The following TMEM132C variants were observed in gnomAD, a reference collection of about 807,000 sequenced individuals.
TMEM132C encodes protein phosphatase 1, regulatory subunit 152.
TMEM132C carries 29 observed loss-of-function variants against 61.4 expected under a neutral mutation model. That is an observed-to-expected ratio of 0.47 (90% CI 0.35 to 0.64). The LOEUF (loss-of-function observed/expected upper bound fraction) is 0.64, where lower values mean the gene tolerates loss of function less well. Ranked by LOEUF, TMEM132C falls within the 30% of genes least tolerant of loss-of-function variation. The pLI is 0.00. For missense variants in TMEM132C, 1,408 were observed against 1,476.9 expected (o/e 0.95, Z 0.76); for synonymous variants, 656 against 633.1 (o/e 1.04, Z -0.54).
chr12:128,604,630 G>T (rs1052637214), intron 3 of TMEM132C, among the ~76,000 whole-genome samples: 1 of 152,008 alleles, frequency 6.6e-6, no homozygotes. Flanking sequence ...ATGGATGGAA[G>T]ATAGATAATA....
intron 4 of TMEM132C, among the ~76,000 whole-genome samples, chr12:128,628,122 C>T (rs1246504068): frequency 2.6e-5 from 4 of 152,196 alleles, no homozygotes; most frequent in Non-Finnish European, 5.9e-5. Flanking sequence ...CTTCCAGTCT[C>T]AGCCTAGCCC....
chr12:128,563,604 C>T (rs1043988006), intron 3 of TMEM132C, among the ~76,000 whole-genome samples: 17 of 152,142 alleles, frequency 1.1e-4, no homozygotes, highest in African/African-American at 2.4e-4. Flanking sequence ...CTGTGCCATG[C>T]GCTCTCGGGC....
At chr12:128,360,092 G>A (rs979109183) in intron 1 of TMEM132C, among the ~76,000 whole-genome samples, 1 of 152,158 alleles carries the variant, frequency 6.6e-6, no homozygotes, top group Non-Finnish European at 1.5e-5. Context: ...GATCTATGCT[G>A]ATGATTTGCC....
At chr12:128,444,013 T>A (rs1390877382) in intron 2 of TMEM132C, among the ~76,000 whole-genome samples, 4 of 152,198 alleles carry the variant, frequency 2.6e-5, no homozygotes, top group African/African-American at 9.6e-5. Context: ...AGCCTCAAAC[T>A]CCTGGACTCA....
intron 3 of TMEM132C, among the ~76,000 whole-genome samples, chr12:128,605,468 C>A (rs1163901457): frequency 6.6e-6 from 1 of 152,198 alleles, no homozygotes; most frequent in South Asian, 2.1e-4. Context: ...GTGTTAATTT[C>A]TCCCAGAAAC....
At chr12:128,603,138 G>A (rs1342979579) in intron 3 of TMEM132C, among the ~76,000 whole-genome samples, 1 of 152,022 alleles carries the variant, frequency 6.6e-6, no homozygotes, top group South Asian at 2.1e-4. Context: ...TGGCTTCAGA[G>A]CAGTGCACGG....
rs181162946 is a variant in TMEM132C at position 128,464,607 on chromosome 12, A to T, written c.974+48987A>T. Among the ~76,000 whole-genome samples the T allele has an allele frequency of 5.5e-3, 830 of 152,254 alleles. 7 individuals are homozygous for T. Among genetic ancestry groups the T allele is most frequent in the African/African-American group, 0.018 (752 of 41,540 alleles). ...CATCTCTATAAAAAATGAATAAATA[A>T]GTAAATAATTAGCTAGACATGGTAG... is the stretch of plus-strand genomic sequence containing the variant. On this transcript the variant is annotated intron_variant, in intron 2 of 8. Coordinates refer to ENST00000435159, the MANE Select transcript of TMEM132C (RefSeq NM_001136103.3).
At chr12:128,485,035 A>G (rs1281292095) in intron 2 of TMEM132C, among the ~76,000 whole-genome samples, 2 of 152,176 alleles carry the variant, frequency 1.3e-5, no homozygotes, top group African/African-American at 4.8e-5. Flanking sequence ...TTTTCTTAGC[A>G]GCTAGAGGTG....
intron 1 of TMEM132C, among the ~76,000 whole-genome samples, chr12:128,323,182 G>C (rs1219716035): frequency 6.6e-6 from 1 of 152,198 alleles, no homozygotes; most frequent in Admixed American, 6.5e-5. Context: ...GCCAACTCCA[G>C]GAGAAATATT....
intron 3 of TMEM132C, among the ~76,000 whole-genome samples, chr12:128,595,375 G>C (rs1012077355): frequency 1.3e-5 from 2 of 152,216 alleles, no homozygotes; most frequent in Admixed American, 1.3e-4. Context: ...GCTTCCCAAA[G>C]TGTTGGTGCC....
intron 2 of TMEM132C, among the ~76,000 whole-genome samples, chr12:128,506,911 G>C (rs1872382661): frequency 1.3e-5 from 2 of 152,106 alleles, no homozygotes; most frequent in Non-Finnish European, 2.9e-5. Flanking sequence ...CTGAAACTTT[G>C]CTGTAGCTGA....
intron 1 of TMEM132C, among the ~76,000 whole-genome samples, chr12:128,412,350 A>G (rs1463022788): frequency 6.6e-6 from 1 of 152,206 alleles, no homozygotes; most frequent in East Asian, 1.9e-4. Context: ...ATCCCTGTTA[A>G]TAACCAACCT....
chr12:128,412,458 A>T (rs1868593053), intron 1 of TMEM132C, among the ~76,000 whole-genome samples: 1 of 151,996 alleles, frequency 6.6e-6, no homozygotes, highest in South Asian at 2.1e-4. Flanking sequence ...CCCCACTCAA[A>T]TCTCACCTTG....
intron 3 of TMEM132C, among the ~76,000 whole-genome samples, chr12:128,572,637 T>C (rs912294176): frequency 6.6e-5 from 10 of 151,856 alleles, no homozygotes; most frequent in African/African-American, 2.4e-4. Context: ...TGGCCTCTGC[T>C]GATTGACCAG....
intron 2 of TMEM132C, among the ~76,000 whole-genome samples, chr12:128,516,436 A>G (rs2136123410): frequency 6.6e-6 from 1 of 152,298 alleles, no homozygotes; most frequent in East Asian, 1.9e-4. Context: ...ATGGTGGAAG[A>G]ACATCAGGAC....
chr12:128,512,748 C>G (rs1218940702), intron 2 of TMEM132C, among the ~76,000 whole-genome samples: 3 of 152,234 alleles, frequency 2.0e-5, no homozygotes, highest in Admixed American at 6.5e-5. Context: ...TGGCACTGTT[C>G]CGCACCCACC....
intron 2 of TMEM132C, among the ~76,000 whole-genome samples, chr12:128,446,598 G>C (rs921339988): frequency 6.6e-6 from 1 of 152,132 alleles, no homozygotes; most frequent in Admixed American, 6.5e-5. Context: ...AACCTTAAAA[G>C]AAAACAGCAT....
Position 128,601,352 on chromosome 12 carries a change from C to T in TMEM132C, c.1122-14800C>T, listed in dbSNP as rs76587614. ...CTCCTGGCGCAATCACCCAGTCATT[C>T]TTCACTCCGCAAACATTTGCTGTGC... On this transcript the variant is annotated intron_variant, in intron 3 of 8. Coordinates refer to ENST00000435159, the MANE Select transcript of TMEM132C (RefSeq NM_001136103.3). 2.5e-3 allele frequency among the ~76,000 whole-genome samples: 382 copies of T among 152,344 alleles called. 2 individuals carry two copies. Among genetic ancestry groups the T allele is most frequent in the Middle Eastern group, 6.8e-3 (2 of 294 alleles).
chr12:128,572,076 A>G (rs1469081734), intron 3 of TMEM132C, among the ~76,000 whole-genome samples: 1 of 151,452 alleles, frequency 6.6e-6, no homozygotes, highest in East Asian at 1.9e-4. Flanking sequence ...CTGATTGGCC[A>G]GGCCTGTGTC....
Sources: gnomAD v4.1 joint callset for allele counts (sites outside exome capture counted in the v4.1 genomes callset) on GRCh38, gnomAD v4.1.1 for gene constraint, MANE v1.5 for transcripts, NCBI Gene and HGNC (gene_info 2026-07-23, HGNC 2026-07-21) for gene names.